NUDT3: variants seen among roughly 807,000 people sequenced by gnomAD.
NUDT3 encodes diphosphoinositol polyphosphate phosphohydrolase 1.
Under a neutral mutation model 23.6 loss-of-function variants are expected in NUDT3, and 9 were observed. The ratio of observed to expected loss-of-function variants is 0.38; its 90% CI spans 0.23 to 0.66. The LOEUF (loss-of-function observed/expected upper bound fraction) is 0.66. NUDT3 is among the 30% of genes least tolerant of loss of function. The pLI, the probability that NUDT3 is intolerant of heterozygous loss-of-function variation, is 0.52. For missense variants in NUDT3, 172 were observed against 218.5 expected, an observed-to-expected ratio of 0.79 and a Z score of 1.34; for synonymous variants, 86 against 82.6, an observed-to-expected ratio of 1.04 and a Z score of -0.22.
chr6:34,361,681 A>G (rs1025720139), intron 1 of NUDT3, among the ~76,000 whole-genome samples: 1 of 152,218 alleles, frequency 6.6e-6, no homozygotes, highest in Non-Finnish European at 1.5e-5. Flanking sequence ...ACATAAAGGA[A>G]TATTATTCAG....
chr6:34,360,127 G>A lies in NUDT3; in HGVS notation c.100-18155C>T, dbSNP rs139060832. ...GCCTGTAGTCCCACACACTCAGGAG[G>A]CTGAGGAAGGAAGATCACCTGAGCC... On this transcript the variant is annotated intron_variant, in intron 1 of 4. Coordinates refer to ENST00000607016, the MANE Select transcript of NUDT3 (RefSeq NM_006703.4). Among the ~76,000 whole-genome samples, 142 of 151,624 alleles carry A rather than the reference G, an allele frequency of 9.4e-4. 1 individual carries two copies. The highest frequency in any genetic ancestry group is 3.0e-3 in the African/African-American group (125 of 41,292).
rs1471818092 is a variant in NUDT3 at position 34,286,100 on chromosome 6, AAGACAGAGTC to A, written c.*2643_*2652del. On this transcript the variant is annotated 3_prime_UTR_variant, in exon 5 of 5. Coordinates refer to ENST00000607016, the MANE Select transcript of NUDT3 (RefSeq NM_006703.4). Reference sequence around the variant, plus strand: ...CGTTTTATTTTCTTATTTATTTATTAAGACAGAGTCTTACTCTGTTGCCCAGGCTGGAGTG... The same window carrying A: ...CGTTTTATTTTCTTATTTATTTATTATTACTCTGTTGCCCAGGCTGGAGTG... 6.6e-6 allele frequency: 1 copy of A among 151,920 alleles called. No individual in the cohort carries two copies. Among genetic ancestry groups the A allele is most frequent in the Non-Finnish European group, 1.5e-5 (1 of 67,974 alleles). 9.4% of individuals were successfully genotyped at this position (151,920 alleles called of 1,614,324 possible).
chr6:34,312,438 C>G (rs1243198458), intron 2 of NUDT3, among the ~76,000 whole-genome samples: 2 of 151,484 alleles, frequency 1.3e-5, no homozygotes, highest in Non-Finnish European at 2.9e-5. Context: ...ATCTAAAACA[C>G]TGACAACACC....
chr6:34,344,995 C>T lies in NUDT3; in HGVS notation c.100-3023G>A, dbSNP rs192005656. ...GGCTAATGGTATGTTACATGAATTC[C>T]ATTTTGATTAAAAAAAAAGAAAACT... is the stretch of plus-strand genomic sequence containing the variant. On this transcript the variant is annotated intron_variant, in intron 1 of 4. Coordinates refer to ENST00000607016, the MANE Select transcript of NUDT3 (RefSeq NM_006703.4). Among the ~76,000 whole-genome samples the T allele has an allele frequency of 6.1e-4, 93 of 151,854 alleles. 1 individual carries two copies. Among genetic ancestry groups the T allele is most frequent in the African/African-American group, 2.1e-3 (88 of 41,392 alleles).
chr6:34,332,205 A>C (rs948039426), intron 2 of NUDT3, among the ~76,000 whole-genome samples: 13 of 152,162 alleles, frequency 8.5e-5, no homozygotes, highest in African/African-American at 3.1e-4. Context: ...CAGCCTTACC[A>C]ATAACAGTTG....
chr6:34,315,802 T>A (rs1276614512), intron 2 of NUDT3, among the ~76,000 whole-genome samples: 5 of 152,218 alleles, frequency 3.3e-5, no homozygotes, highest in African/African-American at 1.2e-4. Context: ...GCATACTACC[T>A]TAGACTTCTC....
intron 2 of NUDT3, 59 bp downstream of exon 2, chr6:34,341,803 C>T (rs998727896): frequency 6.7e-7 from 1 of 1,495,794 alleles, no homozygotes; most frequent in Non-Finnish European, 9.2e-7. Context: ...AAGAACTACA[C>T]AGATAGGACA....
chr6:34,325,886 C>T (rs1764019851), intron 2 of NUDT3, among the ~76,000 whole-genome samples: 1 of 152,236 alleles, frequency 6.6e-6, no homozygotes, highest in Admixed American at 6.5e-5. Context: ...GCATCTGTCA[C>T]ATCACCGTCC....
At chr6:34,364,127 T>C (rs548187197) in intron 1 of NUDT3, among the ~76,000 whole-genome samples, 51 of 152,338 alleles carry the variant, frequency 3.3e-4, no homozygotes, top group East Asian at 2.5e-3. Context: ...TGTTTTCTAT[T>C]GCTGTCAAAC....
intron 1 of NUDT3, among the ~76,000 whole-genome samples, chr6:34,378,912 T>C (rs756002932): frequency 1.7e-4 from 26 of 152,190 alleles, no homozygotes; most frequent in South Asian, 6.2e-4. Flanking sequence ...AGTGGCACCA[T>C]TGTGTATGCT....
At chr6:34,329,583 GAAC>G (rs529404471) in intron 2 of NUDT3, among the ~76,000 whole-genome samples, 96 of 152,170 alleles carry the variant, frequency 6.3e-4, no homozygotes, top group African/African-American at 1.8e-3. Flanking sequence ...GCCCAGTCAA[GAAC>G]AACCATTCTT....
intron 2 of NUDT3, among the ~76,000 whole-genome samples, chr6:34,314,092 C>T (rs1763821463): frequency 6.7e-6 from 1 of 149,060 alleles, no homozygotes; most frequent in African/African-American, 2.5e-5. Context: ...GGTGAAACTC[C>T]GTCTCAAAAA....
At chr6:34,353,404 A>T (rs1423792700) in intron 1 of NUDT3, among the ~76,000 whole-genome samples, 3 of 152,022 alleles carry the variant, frequency 2.0e-5, no homozygotes, top group African/African-American at 7.2e-5. Flanking sequence ...AATGTTTGCC[A>T]ATCTTGTTTT....
intron 1 of NUDT3, among the ~76,000 whole-genome samples, chr6:34,366,898 A>G (rs1050009902): frequency 2.0e-5 from 3 of 151,650 alleles, no homozygotes; most frequent in African/African-American, 7.3e-5. Context: ...CCACAATTAA[A>G]AAAAAATTTT....
intron 2 of NUDT3, among the ~76,000 whole-genome samples, chr6:34,321,440 AAAT>A (rs1045210901): frequency 1.3e-5 from 2 of 151,964 alleles, no homozygotes; most frequent in Non-Finnish European, 1.5e-5. Context: ...TCCATCTCAA[AAAT>A]AATAATAATA....
Position 34,282,363 on chromosome 6 carries a change from C to CA in NUDT3, c.*6389dup, listed in dbSNP as rs1424251990. 1 of 152,164 alleles carries CA rather than the reference C, an allele frequency of 6.6e-6. No individual in the cohort carries two copies. The highest frequency in any genetic ancestry group is 2.4e-5 in the African/African-American group (1 of 41,436). 9.4% of individuals were successfully genotyped at this position (152,164 alleles called of 1,614,324 possible). On this transcript the variant is annotated 3_prime_UTR_variant, in exon 5 of 5. Transcript: ENST00000607016. ...AGGGATTCACAGGCAATATTACTGG[C>CA]AAAATGATTTTCCAAAGCTGAGCCA...
intron 1 of NUDT3, among the ~76,000 whole-genome samples, chr6:34,391,621 G>A (rs139476889): frequency 2.0e-5 from 3 of 152,230 alleles, no homozygotes; most frequent in Admixed American, 6.5e-5. Flanking sequence ...AACATTTTCA[G>A]CACACAAAGA....
intron 1 of NUDT3, among the ~76,000 whole-genome samples, chr6:34,390,741 G>A (rs1765185031): frequency 6.6e-6 from 1 of 152,070 alleles, no homozygotes; most frequent in African/African-American, 2.4e-5. Flanking sequence ...ACAGATTTAT[G>A]CATACTAGTG....
intron 1 of NUDT3, among the ~76,000 whole-genome samples, chr6:34,391,530 T>G (rs1765198425): frequency 1.3e-5 from 2 of 152,182 alleles, no homozygotes; most frequent in Non-Finnish European, 2.9e-5. Context: ...AATTTAATCC[T>G]AAGAGTCTTC....
Sources: gnomAD v4.1 joint callset for allele counts (sites outside exome capture counted in the v4.1 genomes callset) on GRCh38, gnomAD v4.1.1 for gene constraint, MANE v1.5 for transcripts, NCBI Gene and HGNC (gene_info 2026-07-23, HGNC 2026-07-21) for gene names.